The following DYNC2LI1 variants were observed in gnomAD, a reference collection of about 807,000 sequenced individuals.
The protein encoded by DYNC2LI1 is dynein cytoplasmic 2 light intermediate chain 1, also known as cytoplasmic dynein 2 light intermediate chain 1.
A neutral mutation model predicts 51.9 loss-of-function variants in DYNC2LI1; 45 were observed. The observed-to-expected ratio is 0.87, with a 90% CI of 0.68 to 1.11. The LOEUF is 1.11. DYNC2LI1 is among the 50% of genes most tolerant of loss of function. The pLI is 0.00. For synonymous variants in DYNC2LI1, 130 were observed against 137.8 expected (o/e 0.94, Z 0.40); for missense variants, 490 against 417.4 (o/e 1.17, Z -1.51).
At chr2:43,787,554 A>C (rs1388441564) in intron 4 of DYNC2LI1, among the ~76,000 whole-genome samples, 1 of 152,224 alleles carries the variant, frequency 6.6e-6, no homozygotes, top group African/African-American at 2.4e-5. Context: ...AAATCTGCTA[A>C]AATATAGGTT....
intron 10 of DYNC2LI1, among the ~76,000 whole-genome samples, chr2:43,803,640 A>G (rs1339061120): frequency 1.3e-5 from 2 of 152,172 alleles, no homozygotes; most frequent in African/African-American, 2.4e-5. Flanking sequence ...TAGCAAATAC[A>G]TGAACCTATG....
intron 12 of DYNC2LI1, among the ~76,000 whole-genome samples, chr2:43,808,129 A>G (rs966672557): frequency 3.3e-5 from 5 of 152,222 alleles, no homozygotes; most frequent in African/African-American, 1.2e-4. Flanking sequence ...TTTATGAGTT[A>G]ATCTTTAAAA....
intron 6 of DYNC2LI1, chr2:43,794,861 A>T: frequency 1.4e-6 from 2 of 1,431,172 alleles, no homozygotes; most frequent in South Asian, 1.6e-5. Flanking sequence ...ATCTTCTGTG[A>T]TTGTTATGGC....
the DYNC2LI1 span, chr2:43,823,933 A>G: frequency 3.1e-6 from 5 of 1,614,194 alleles, no homozygotes; most frequent in Non-Finnish European, 3.4e-6. Flanking sequence ...AGCGTTCAGC[A>G]TGCCTGTGTA....
the DYNC2LI1 span, chr2:43,824,359 T>C: frequency 1.6e-5 from 26 of 1,614,220 alleles, no homozygotes; most frequent in Non-Finnish European, 2.2e-5. Flanking sequence ...TGTAGGCAGA[T>C]TCTATCATCT....
intron 8 of DYNC2LI1, among the ~76,000 whole-genome samples, chr2:43,799,125 C>A (rs911848480): frequency 6.6e-6 from 1 of 152,100 alleles, no homozygotes; most frequent in Non-Finnish European, 1.5e-5. Flanking sequence ...CAAAATGAGA[C>A]CTTGTCTTGA....
At chr2:43,827,325 CAAA>C in the DYNC2LI1 span, among the ~76,000 whole-genome samples, 3 of 112,212 alleles carry the variant, frequency 2.7e-5, no homozygotes, top group Non-Finnish European at 3.9e-5. Context: ...AACTCTGTCT[CAAA>C]AAAAAAAAAA....
chr2:43,804,556 A>T, intron 10 of DYNC2LI1, 86 bp from the exon 11 acceptor site: 1 of 862,366 alleles, frequency 1.2e-6, no homozygotes, highest in Non-Finnish European at 1.8e-6. Context: ...CGAGATGTAT[A>T]CCTTTGTTAG....
chr2:43,823,859 A>G, the DYNC2LI1 span: 1 of 1,587,390 alleles, frequency 6.3e-7, no homozygotes, highest in South Asian at 1.1e-5. Context: ...TTACAGCTGG[A>G]GAAGGGAGGT....
Position 43,796,755 on chromosome 2 carries a change from C to T in DYNC2LI1, c.614C>T (p.Thr205Ile). 1.2e-6 allele frequency: 2 copies of T among 1,613,654 alleles called. No homozygotes were observed. The highest frequency in any genetic ancestry group is 1.7e-6 in the Non-Finnish European group (2 of 1,179,790). Residue 205 changes from threonine to isoleucine, a missense_variant, in exon 8 of 13, where the codon ACA becomes ATA. Coordinates refer to ENST00000260605, the MANE Select transcript of DYNC2LI1 (RefSeq NM_016008.4). ...ESEKRKVICK[T>I]LRFVAHYYGA... ...GAGAAGAGAAAGGTAATATGCAAGA[C>T]ACTTCGATTTGTTGCACATTATTAT... is the stretch of plus-strand genomic sequence containing the variant.
At chr2:43,812,478 T>C (rs1011290058), downstream of DYNC2LI1, 11 of 152,798 alleles carry the variant, frequency 7.2e-5, no homozygotes, top group Non-Finnish European at 4.4e-5. Context: ...TTGTTCACTG[T>C]TGAGCCCATT....
chr2:43,794,985 A>T (rs1244712204), intron 6 of DYNC2LI1: 9 of 1,202,426 alleles, frequency 7.5e-6, no homozygotes, highest in South Asian at 3.0e-5. Context: ...CCTGACAAAG[A>T]CTAGATGAAG....
intron 4 of DYNC2LI1, among the ~76,000 whole-genome samples, chr2:43,788,148 G>A (rs1285682753): frequency 2.0e-5 from 3 of 152,152 alleles, no homozygotes; most frequent in African/African-American, 7.2e-5. Context: ...GCTCTCATAA[G>A]CTTAACTTTT....
chr2:43,784,463 G>A (rs1673427602), intron 3 of DYNC2LI1, among the ~76,000 whole-genome samples: 1 of 151,536 alleles, frequency 6.6e-6, no homozygotes, highest in Non-Finnish European at 1.5e-5. Context: ...TTTTGAGATG[G>A]AGTTTCGCTC....
rs17031635 is a variant in DYNC2LI1, at chr2:43,808,531, A to G, written c.994-1174A>G. On this transcript the variant is annotated intron_variant, in intron 12 of 12. Coordinates refer to ENST00000260605, the MANE Select transcript of DYNC2LI1 (RefSeq NM_016008.4). ...TACAGTTATTTAGACATTGAACAAC[A>G]TGTAGGAGGCCAAGAGGCATCCCCT... Among the ~76,000 whole-genome samples, 1,009 of 152,332 alleles carry G rather than the reference A, an allele frequency of 6.6e-3. 12 individuals are homozygous for G. Among genetic ancestry groups the G allele is most frequent in the African/African-American group, 0.023 (954 of 41,580 alleles).
chr2:43,776,734 G>A, intron 1 of DYNC2LI1, 48 bp from the exon 2 acceptor site: 1 of 824,888 alleles, frequency 1.2e-6, no homozygotes, highest in Non-Finnish European at 1.9e-6. Context: ...ATAAATATTT[G>A]AAAGAATTCT....
At chr2:43,794,124 C>T in intron 5 of DYNC2LI1, 1 of 197,086 alleles carries the variant, frequency 5.1e-6, no homozygotes, top group Non-Finnish European at 1.0e-5. Flanking sequence ...TTTTGCTTCC[C>T]TTTTTTGGAG....
intron 5 of DYNC2LI1, among the ~76,000 whole-genome samples, chr2:43,792,413 T>A (rs114053121): frequency 0.022 from 3,303 of 152,258 alleles, 80 homozygotes; most frequent in African/African-American, 0.062. Context: ...ATATATTGGT[T>A]ATATTGGATA....
the DYNC2LI1 span, chr2:43,824,095 C>G: frequency 6.2e-7 from 1 of 1,614,220 alleles, no homozygotes; most frequent in East Asian, 2.2e-5. Context: ...CAGCTTATTT[C>G]TCACCAAGTT....
Sources: allele counts gnomAD v4.1 joint callset (sites outside exome capture counted in the v4.1 genomes callset), GRCh38; gene constraint gnomAD v4.1.1; transcripts MANE v1.5; gene names NCBI Gene and HGNC (gene_info 2026-07-23, HGNC 2026-07-21).